The following HDAC4 variants were observed in gnomAD, a reference collection of about 807,000 sequenced individuals.
HDAC4 encodes the protein histone deacetylase 4.
In HDAC4, 16 loss-of-function variants were observed where a neutral mutation model predicts 135.1. That is an observed-to-expected ratio of 0.12 (90% CI 0.08 to 0.18). HDAC4 has a LOEUF of 0.18. HDAC4 is among the 10% of genes least tolerant of loss of function. HDAC4 has a pLI of 1.00. For synonymous variants in HDAC4, 685 were observed against 653.4 expected, an observed-to-expected ratio of 1.05 and a Z score of -0.74; for missense variants, 1,143 against 1,511.8, an observed-to-expected ratio of 0.76 and a Z score of 4.05.
At position 239,306,265 on chromosome 2, in the gene HDAC4, G is replaced by T. The variant is rs1307654353; in HGVS notation, c.22+46413C>A. Reference sequence around the variant, plus strand: ...TTCATACATTTAGAAGGCAAAAAAAGTTCATCTTTCTAGTGATTCCAGGAG... The same window carrying T: ...TTCATACATTTAGAAGGCAAAAAAATTTCATCTTTCTAGTGATTCCAGGAG... On this transcript the variant is annotated intron_variant, in intron 2 of 26. Transcript: ENST00000543185. The surrounding 1 kb of genome is among the most constrained non-coding windows in gnomAD (Gnocchi z 4.5). Among the ~76,000 whole-genome samples, 1 of 152,174 alleles carries T rather than the reference G, an allele frequency of 6.6e-6. No homozygotes were observed. The highest frequency in any genetic ancestry group is 1.9e-4 in the East Asian group (1 of 5,188).
chr2:239,080,524 C>T (rs1407432824), intron 22 of HDAC4, among the ~76,000 whole-genome samples: 1 of 152,182 alleles, frequency 6.6e-6, no homozygotes, highest in Admixed American at 6.5e-5. Flanking sequence ...ACAGGAATGA[C>T]CCCAATCTGG....
Position 239,331,856 on chromosome 2 carries a change from G to A in HDAC4, c.22+20822C>T, listed in dbSNP as rs528823513. 6.6e-6 allele frequency among the ~76,000 whole-genome samples: 1 copy of A among 152,220 alleles called. No individual in the cohort carries two copies. The highest frequency in any genetic ancestry group is 2.1e-4 in the South Asian group (1 of 4,818). On this transcript the variant is annotated intron_variant, in intron 2 of 26. Transcript: ENST00000543185. This position sits in a 1 kb window ranked among gnomAD's most constrained non-coding sequence, Gnocchi z 4.5. ...GCTGAGGAGCGGAGCAGCACCGGACGGCTCGGACCCTGGGAAACGAACGCC... is the reference window on the plus strand; with the variant it reads ...GCTGAGGAGCGGAGCAGCACCGGACAGCTCGGACCCTGGGAAACGAACGCC...
intron 2 of HDAC4, among the ~76,000 whole-genome samples, chr2:239,277,383 C>G (rs56017524): frequency 1.3e-5 from 2 of 152,120 alleles, no homozygotes; most frequent in Non-Finnish European, 2.9e-5. Flanking sequence ...GCTGGGGAAA[C>G]GACAGGGAAG....
chr2:239,149,390 AAATAAAT>A (rs2041967184), intron 7 of HDAC4, among the ~76,000 whole-genome samples: 2 of 151,608 alleles, frequency 1.3e-5, no homozygotes, highest in Non-Finnish European at 2.9e-5. Flanking sequence ...ATAAATAAAT[AAATAAAT>A]AAAAAGATAA....
intron 5 of HDAC4, among the ~76,000 whole-genome samples, chr2:239,174,600 A>C (rs1313217996): frequency 3.3e-5 from 5 of 152,168 alleles, no homozygotes; most frequent in African/African-American, 1.2e-4. Context: ...TCACGTATGA[A>C]CACTGACAAC....
intron 5 of HDAC4, among the ~76,000 whole-genome samples, chr2:239,175,401 C>T (rs1454001971): frequency 7.2e-5 from 11 of 152,214 alleles, no homozygotes; most frequent in South Asian, 2.1e-4. Context: ...GAGGAGCCCA[C>T]GGGTCATCGT....
intron 1 of HDAC4, among the ~76,000 whole-genome samples, chr2:239,371,159 G>A (rs1461785085): frequency 6.6e-6 from 1 of 152,222 alleles, no homozygotes; most frequent in East Asian, 1.9e-4. Context: ...TGTCTGTGCA[G>A]ACACCTGTTC....
At chr2:239,118,374 C>T (rs1043326572) in intron 12 of HDAC4, among the ~76,000 whole-genome samples, 6 of 152,154 alleles carry the variant, frequency 3.9e-5, no homozygotes, top group Admixed American at 1.3e-4. Context: ...GTGCAGGCAG[C>T]GTGGGTGTCG....
intron 3 of HDAC4, chr2:239,190,914 G>A (rs981590926): frequency 1.7e-5 from 8 of 465,942 alleles, no homozygotes; most frequent in Admixed American, 7.1e-5. Context: ...CAAACAGCCC[G>A]ACCTGCGCAC....
intron 2 of HDAC4, among the ~76,000 whole-genome samples, chr2:239,261,656 G>A (rs1172300255): frequency 6.6e-6 from 1 of 152,220 alleles, no homozygotes; most frequent in Non-Finnish European, 1.5e-5. Flanking sequence ...GACAAGGCTG[G>A]ACAAGGGGTC....
intron 1 of HDAC4, among the ~76,000 whole-genome samples, chr2:239,399,352 T>A (rs1291079186): frequency 6.6e-6 from 1 of 152,192 alleles, no homozygotes; most frequent in East Asian, 1.9e-4. Context: ...TGCTGTAGTG[T>A]ATATTTGTGT....
chr2:239,095,435 C>T (rs1362680582), intron 16 of HDAC4, among the ~76,000 whole-genome samples: 3 of 152,176 alleles, frequency 2.0e-5, no homozygotes, highest in East Asian at 1.9e-4. Flanking sequence ...TCCAGGACCC[C>T]GAGCCTGGCT....
intron 5 of HDAC4, among the ~76,000 whole-genome samples, chr2:239,165,531 TTTC>T (rs2043072850): frequency 6.6e-6 from 1 of 152,052 alleles, no homozygotes; most frequent in Admixed American, 6.6e-5. Context: ...GTTGCGTGGG[TTTC>T]TTATGATAAT....
chr2:239,144,324 C>G (rs2041608207), intron 8 of HDAC4, among the ~76,000 whole-genome samples: 1 of 152,148 alleles, frequency 6.6e-6, no homozygotes, highest in Non-Finnish European at 1.5e-5. Flanking sequence ...AGCTGGGGCA[C>G]CCTTGTGCAC....
chr2:239,261,375 G>A (rs978011420), intron 2 of HDAC4, among the ~76,000 whole-genome samples: 2 of 152,204 alleles, frequency 1.3e-5, no homozygotes, highest in Non-Finnish European at 2.9e-5. Flanking sequence ...AGCAGCTGCC[G>A]TGTGCTGAGA....
At chr2:239,296,629 T>TC (rs1465432390) in intron 2 of HDAC4, among the ~76,000 whole-genome samples, 1 of 152,190 alleles carries the variant, frequency 6.6e-6, no homozygotes, top group African/African-American at 2.4e-5. Flanking sequence ...CATTTCTGGA[T>TC]CTTTTTCCTT....
At position 239,257,164 on chromosome 2, in the gene HDAC4, A is replaced by G. The variant is rs147238027; in HGVS notation, c.23-20500T>C. Among the ~76,000 whole-genome samples the G allele has an allele frequency of 1.9e-4, 29 of 152,336 alleles. No individual in the cohort carries two copies. The East Asian group carries it at 5.4e-3, about 28-fold the overall frequency. ...ATATATACTGCTAATCATCTTATAG[A>G]AGAATTTTGTTTTTGACCAAAAAAA... On this transcript the variant is annotated intron_variant, in intron 2 of 26. Coordinates refer to ENST00000543185, the MANE Select transcript of HDAC4 (RefSeq NM_001378414.1).
At chr2:239,064,103 TGGA>T (rs1034282448) in intron 24 of HDAC4, among the ~76,000 whole-genome samples, 2 of 152,102 alleles carry the variant, frequency 1.3e-5, no homozygotes, top group African/African-American at 4.8e-5. Context: ...TGGCAAGGGC[TGGA>T]GGAACACACA....
intron 11 of HDAC4, among the ~76,000 whole-genome samples, chr2:239,132,678 C>T (rs964065121): frequency 2.6e-5 from 4 of 152,138 alleles, no homozygotes; most frequent in Non-Finnish European, 4.4e-5. Flanking sequence ...CATGCACACT[C>T]GATATCCAGG....
Sources: allele counts gnomAD v4.1 joint callset (sites outside exome capture counted in the v4.1 genomes callset), GRCh38; gene constraint gnomAD v4.1.1; non-coding constraint Gnocchi (gnomAD v3.1); transcripts MANE v1.5; gene names NCBI Gene and HGNC (gene_info 2026-07-23, HGNC 2026-07-21).